MYBPH: variants seen among roughly 807,000 people sequenced by gnomAD.
The protein encoded by MYBPH is myosin-binding protein H.
Under a neutral mutation model 53.6 loss-of-function variants are expected in MYBPH, and 49 were observed. The observed-to-expected ratio is 0.91, with a 90% confidence interval of 0.73 to 1.16. The LOEUF (loss-of-function observed/expected upper bound fraction) is 1.16. MYBPH is among the 50% of genes most tolerant of loss of function. The pLI, the probability that MYBPH is intolerant of heterozygous loss-of-function variation, is 0.00. For synonymous variants in MYBPH, 239 were observed against 249.6 expected, an observed-to-expected ratio of 0.96 and a Z score of 0.40; for missense variants, 558 against 624.1, an observed-to-expected ratio of 0.89 and a Z score of 1.13.
At chr1:203,169,157 C>T in intron 8 of MYBPH, 65 bp from the exon 9 acceptor site, 1 of 1,592,154 alleles carries the variant, frequency 6.3e-7, no homozygotes, top group South Asian at 1.1e-5. Flanking sequence ...CAACAGCTAT[C>T]CCCAGGCTTA....
intron 3 of MYBPH, among the ~76,000 whole-genome samples, chr1:203,172,597 G>A (rs1028149677): frequency 2.6e-5 from 4 of 152,290 alleles, no homozygotes; most frequent in South Asian, 2.1e-4. Context: ...AAGCCAGGGC[G>A]GGTATCCCCC....
At chr1:203,178,777 G>A (rs1270691402), upstream of MYBPH, among the ~76,000 whole-genome samples, 2 of 152,214 alleles carry the variant, frequency 1.3e-5, no homozygotes, top group African/African-American at 4.8e-5. Context: ...GCCTCCCACT[G>A]GGGCTCTCTG....
At chr1:203,170,746 C>A (rs1360800151) in intron 6 of MYBPH, among the ~76,000 whole-genome samples, 1 of 152,168 alleles carries the variant, frequency 6.6e-6, no homozygotes, top group African/African-American at 2.4e-5. Context: ...CAGCCCCCAC[C>A]CTGGACCTAC....
chr1:203,174,428 AC>A lies in MYBPH; in HGVS notation c.508+1del, dbSNP rs1173792825. The stretch of plus-strand genomic sequence containing the variant: ...GTAGCTGAAGGCCAGGATGGGCTTT[AC>A]CAATGTTCTCTCGGATGTGGATGGG... On this transcript the variant is annotated splice_donor_variant, in intron 3 of 10. Transcript: ENST00000255416. LOFTEE classifies it high-confidence loss of function. The A allele has an allele frequency of 6.3e-7, 1 of 1,580,402 alleles. No homozygotes were observed. Among genetic ancestry groups the A allele is most frequent in the Non-Finnish European group, 8.7e-7 (1 of 1,155,914 alleles).
In MYBPH at chr1:203,171,209, C is replaced by T. The variant is rs748823714; in HGVS notation, c.794-9G>A. The T allele has an allele frequency of 1.3e-6, 2 of 1,582,170 alleles. No homozygotes were observed. The highest frequency in any genetic ancestry group is 1.7e-4 in the Middle Eastern group (1 of 5,846). On this transcript the variant is annotated splice_polypyrimidine_tract_variant and intron_variant, in intron 5 of 10. Transcript: ENST00000255416. The surrounding 1 kb of genome is among the most constrained non-coding windows in gnomAD (Gnocchi z 4.2). ...GGGGGGTCCAGGTTTCTCTGTAGGC[C>T]CAGAGTGTGAGAGGAAGTGAGTGTG...
intron 9 of MYBPH, 78 bp from the exon 10 acceptor site, chr1:203,168,753 C>A: frequency 6.2e-7 from 1 of 1,603,150 alleles, no homozygotes; most frequent in Non-Finnish European, 8.5e-7. Context: ...CCCTCTTCTA[C>A]ACCTGTCCAC....
At chr1:203,169,727 G>A (rs1378982345) in intron 7 of MYBPH, among the ~76,000 whole-genome samples, 1 of 152,162 alleles carries the variant, frequency 6.6e-6, no homozygotes, top group Non-Finnish European at 1.5e-5. Flanking sequence ...TGCAGTTCAG[G>A]CTAGTGTTAA....
At chr1:203,173,552 G>A (rs1655741975) in intron 3 of MYBPH, among the ~76,000 whole-genome samples, 1 of 152,216 alleles carries the variant, frequency 6.6e-6, no homozygotes, top group Non-Finnish European at 1.5e-5. Context: ...CTAACCCCAT[G>A]GTTCCCATGT....
Position 203,168,992 on chromosome 1 carries a change from G to A in MYBPH, c.1331C>T (p.Pro444Leu), listed in dbSNP as rs528473979. The A allele has an allele frequency of 6.2e-7, 1 of 1,613,956 alleles. No individual in the cohort carries two copies. The highest frequency in any genetic ancestry group is 1.3e-5 in the African/African-American group (1 of 75,046). Residue 444 changes from proline to leucine, a missense_variant, in exon 9 of 11, where the codon CCC becomes CTC. Coordinates refer to ENST00000255416, the MANE Select transcript of MYBPH (RefSeq NM_004997.3). The part of the protein sequence containing the change: ...QGVCTLEIRK[P>L]SPFDSGVYTC... Reference sequence around the variant, plus strand: ...GTAGACCCCAGAATCAAAGGGGCTGGGTTTCCGGATCTCTAGGGTGCAGAC... The same window carrying A: ...GTAGACCCCAGAATCAAAGGGGCTGAGTTTCCGGATCTCTAGGGTGCAGAC...
chr1:203,175,913 A>C, upstream of MYBPH: 1 of 718,812 alleles, frequency 1.4e-6, no homozygotes. Context: ...CAGGTCAAGC[A>C]GGAGGACTGG....
chr1:203,168,705 G>A (rs377006346), intron 9 of MYBPH, 30 bp from the exon 10 acceptor site: 1 of 1,582,046 alleles, frequency 6.3e-7, no homozygotes, highest in Non-Finnish European at 8.6e-7. Flanking sequence ...TAGAGCTTGG[G>A]GGAAGTGGCG....
Position 203,175,342 on chromosome 1 carries a change from G to A in MYBPH, c.325C>T (p.Leu109Phe). 6.6e-7 allele frequency: 1 copy of A among 1,522,112 alleles called. No individual in the cohort carries two copies. Among genetic ancestry groups the A allele is most frequent in the Non-Finnish European group, 8.8e-7 (1 of 1,137,892 alleles). 94.3% of individuals were successfully genotyped at this position (1,522,112 alleles called of 1,614,324 possible). A position where few individuals can be genotyped will look rare whatever the true frequency, so the allele number is the denominator to read the frequency against. ...RLGLQGYVLE[L>F]CREGASEWVP... is the part of the protein sequence containing the mutation. ...CAGCACTCACCTCCCTCTCTGCAGA[G>A]CTCCAGCACATAGCCCTGGAGGCCC... is the stretch of plus-strand genomic sequence containing the variant. The change falls in exon 2 of 11, where the codon CTC (leucine) becomes TTC (phenylalanine). Residue 109 changes from leucine (L) to phenylalanine (F), a missense_variant. By Grantham distance (22) the Leu-to-Phe change is conservative. Coordinates refer to ENST00000255416, the MANE Select transcript of MYBPH (RefSeq NM_004997.3).
chr1:203,170,970 T>C (rs1655682651), intron 6 of MYBPH, 91 bp downstream of exon 6: 1 of 1,484,008 alleles, frequency 6.7e-7, no homozygotes, highest in Non-Finnish European at 9.0e-7. Context: ...ACTCGATCCC[T>C]AGACTCGGTC....
In MYBPH at chr1:203,169,473, A is replaced by G. The variant is rs975880933; in HGVS notation, c.1094-84T>C. On this transcript the variant is annotated intron_variant, in intron 7 of 10. Coordinates refer to ENST00000255416, the MANE Select transcript of MYBPH (RefSeq NM_004997.3). ...CAGGACTGACTATGATTCAAGATCTATGGATAGCAAGTCGTGGCTTATTTG... is the reference window on the plus strand; with the variant it reads ...CAGGACTGACTATGATTCAAGATCTGTGGATAGCAAGTCGTGGCTTATTTG... 32 of 1,519,302 alleles carry G rather than the reference A, an allele frequency of 2.1e-5. No homozygotes were observed. In the East Asian group the frequency reaches 6.4e-4, roughly 30 times the overall value. 94.1% of individuals were successfully genotyped at this position (1,519,302 alleles called of 1,614,324 possible). A position where few individuals can be genotyped will look rare whatever the true frequency, so the allele number is the denominator to read the frequency against.
At chr1:203,173,200 A>G (rs1655733922) in intron 3 of MYBPH, among the ~76,000 whole-genome samples, 2 of 152,332 alleles carry the variant, frequency 1.3e-5, no homozygotes, top group Non-Finnish European at 1.5e-5. Context: ...GCTGGGCCTC[A>G]GGGGCCTCTC....
intron 3 of MYBPH, among the ~76,000 whole-genome samples, chr1:203,172,355 C>A (rs556627848): frequency 1.3e-5 from 2 of 152,272 alleles, no homozygotes; most frequent in East Asian, 3.9e-4. Flanking sequence ...CAGGCATTCC[C>A]AAGCACCAGA....
At chr1:203,175,511 A>G (rs200115405) in intron 1 of MYBPH, 40 bp downstream of exon 1, 3 of 1,612,192 alleles carry the variant, frequency 1.9e-6, no homozygotes, top group Non-Finnish European at 2.5e-6. Context: ...CACCCCTGAC[A>G]TGCCTGCCTC....
At chr1:203,174,380 A>G in intron 3 of MYBPH, 50 bp downstream of exon 3, 4 of 1,517,468 alleles carry the variant, frequency 2.6e-6, no homozygotes, top group South Asian at 1.3e-5. Context: ...TCTCCATTAG[A>G]TAAGGTGTTT....
chr1:203,172,359 C>T (rs1655717526), intron 3 of MYBPH, among the ~76,000 whole-genome samples: 1 of 152,154 alleles, frequency 6.6e-6, no homozygotes, highest in Admixed American at 6.5e-5. Flanking sequence ...CATTCCCAAG[C>T]ACCAGATGGG....
Sources: gnomAD v4.1 joint callset for allele counts (sites outside exome capture counted in the v4.1 genomes callset) on GRCh38, gnomAD v4.1.1 for gene constraint, Gnocchi (gnomAD v3.1) non-coding constraint, MANE v1.5 for transcripts, NCBI Gene and HGNC (gene_info 2026-07-23, HGNC 2026-07-21) for gene names.